The following GRXCR1 variants were observed in gnomAD, a reference collection of about 807,000 sequenced individuals.
The protein encoded by GRXCR1 is glutaredoxin and cysteine rich domain containing 1, also known as glutaredoxin domain-containing cysteine-rich protein 1.
Under a neutral mutation model 27.3 loss-of-function variants are expected in GRXCR1, and 27 were observed. The observed-to-expected ratio is 0.99, with a 90% CI of 0.73 to 1.37. The LOEUF (loss-of-function observed/expected upper bound fraction) is 1.37, where lower values mean the gene tolerates loss of function less well. GRXCR1 is among the 40% of genes most tolerant of loss of function. GRXCR1 has a pLI of 0.00. For synonymous variants in GRXCR1, 122 were observed against 131.1 expected, an observed-to-expected ratio of 0.93 and a Z score of 0.47; for missense variants, 379 against 354.4, an observed-to-expected ratio of 1.07 and a Z score of -0.56.
intron 1 of GRXCR1, among the ~76,000 whole-genome samples, chr4:42,910,034 G>T (rs978911081): frequency 1.3e-5 from 2 of 152,112 alleles, no homozygotes; most frequent in Non-Finnish European, 2.9e-5. Context: ...CCACATGGCT[G>T]GGGAGGCCTC....
At chr4:42,990,352 C>A (rs983419853) in intron 2 of GRXCR1, among the ~76,000 whole-genome samples, 1 of 150,434 alleles carries the variant, frequency 6.6e-6, no homozygotes, top group Non-Finnish European at 1.5e-5. Flanking sequence ...CCACTACGCC[C>A]GGCTAATTTT....
chr4:43,027,727 A>G (rs1035845156), intron 3 of GRXCR1, among the ~76,000 whole-genome samples: 3 of 152,246 alleles, frequency 2.0e-5, no homozygotes, highest in African/African-American at 7.2e-5. Context: ...GTCTTGGGTC[A>G]TAGCAGGAGT....
intron 2 of GRXCR1, among the ~76,000 whole-genome samples, chr4:43,002,227 G>C (rs1186623557): frequency 6.6e-6 from 1 of 152,292 alleles, no homozygotes; most frequent in Non-Finnish European, 1.5e-5. Flanking sequence ...TGTCGGGCTG[G>C]GGGACAGTCA....
At chr4:42,952,399 G>C (rs117531984) in intron 1 of GRXCR1, among the ~76,000 whole-genome samples, 1 of 152,012 alleles carries the variant, frequency 6.6e-6, no homozygotes. Context: ...CACTGACCTC[G>C]TGAAGGGGCC....
chr4:42,944,905 G>C (rs1262565720), intron 1 of GRXCR1, among the ~76,000 whole-genome samples: 1 of 152,094 alleles, frequency 6.6e-6, no homozygotes, highest in Non-Finnish European at 1.5e-5. Flanking sequence ...CTGGAATCTT[G>C]GTTGTATCAG....
At chr4:43,010,718 C>A (rs1348445823) in intron 2 of GRXCR1, among the ~76,000 whole-genome samples, 2 of 151,806 alleles carry the variant, frequency 1.3e-5, no homozygotes, top group African/African-American at 4.8e-5. Flanking sequence ...AAAAAGTGAT[C>A]GCTTATTTAA....
chr4:42,993,980 A>T (rs1712060067), intron 2 of GRXCR1, among the ~76,000 whole-genome samples: 1 of 152,158 alleles, frequency 6.6e-6, no homozygotes, highest in Admixed American at 6.6e-5. Flanking sequence ...TTATTTGATA[A>T]TGCCAGCACA....
At chr4:42,927,782 G>A (rs1381295873) in intron 1 of GRXCR1, among the ~76,000 whole-genome samples, 1 of 152,002 alleles carries the variant, frequency 6.6e-6, no homozygotes, top group African/African-American at 2.4e-5. Flanking sequence ...TGGGAAGTAG[G>A]AAAGTGGGGA....
intron 2 of GRXCR1, among the ~76,000 whole-genome samples, chr4:42,969,124 T>A (rs1748320558): frequency 6.6e-6 from 1 of 152,146 alleles, no homozygotes; most frequent in Admixed American, 6.6e-5. Flanking sequence ...TGTATGGGAG[T>A]GTTATTATAA....
At chr4:42,960,744 T>G (rs867691593) in intron 1 of GRXCR1, among the ~76,000 whole-genome samples, 26 of 151,956 alleles carry the variant, frequency 1.7e-4, no homozygotes, top group African/African-American at 5.8e-4. Flanking sequence ...ATGAGAACAC[T>G]GAGACAATAG....
At chr4:43,011,315 G>T (rs73177798) in intron 2 of GRXCR1, among the ~76,000 whole-genome samples, 1 of 152,170 alleles carries the variant, frequency 6.6e-6, no homozygotes, top group Non-Finnish European at 1.5e-5. Context: ...AAGGGCCTTT[G>T]CCCTTTGACT....
At chr4:42,977,811 G>A (rs1441135295) in intron 2 of GRXCR1, among the ~76,000 whole-genome samples, 1 of 151,974 alleles carries the variant, frequency 6.6e-6, no homozygotes, top group Non-Finnish European at 1.5e-5. Context: ...TTAATTCAAT[G>A]TAACACCAGT....
intron 1 of GRXCR1, among the ~76,000 whole-genome samples, chr4:42,961,275 C>T (rs530803886): frequency 5.3e-5 from 8 of 151,968 alleles, no homozygotes; most frequent in African/African-American, 1.2e-4. Context: ...GTTGATTTCA[C>T]GTCTTTGCTA....
At chr4:42,899,410 C>A (rs1413830184) in intron 1 of GRXCR1, among the ~76,000 whole-genome samples, 1 of 152,152 alleles carries the variant, frequency 6.6e-6, no homozygotes, top group Non-Finnish European at 1.5e-5. Context: ...AAAGCAATTC[C>A]TGGAGGAACT....
intron 2 of GRXCR1, among the ~76,000 whole-genome samples, chr4:42,975,374 T>C (rs903742800): frequency 6.6e-6 from 1 of 152,118 alleles, no homozygotes; most frequent in African/African-American, 2.4e-5. Context: ...TTGGTGTCAA[T>C]GTCTAAGATT....
intron 1 of GRXCR1, among the ~76,000 whole-genome samples, chr4:42,921,895 C>A (rs1747020222): frequency 6.6e-6 from 1 of 152,088 alleles, no homozygotes; most frequent in Admixed American, 6.6e-5. Flanking sequence ...TCATCCTCCT[C>A]CCCTTCCTGT....
intron 1 of GRXCR1, among the ~76,000 whole-genome samples, chr4:42,932,717 C>G (rs1747359504): frequency 6.8e-6 from 1 of 146,856 alleles, no homozygotes; most frequent in Non-Finnish European, 1.5e-5. Flanking sequence ...AATATGAAGC[C>G]TCTCTGTCCC....
chr4:42,991,236 C>T (rs10005115), intron 2 of GRXCR1, among the ~76,000 whole-genome samples: 72,251 of 151,532 alleles, frequency 0.48, 18,531 homozygotes, highest in African/African-American at 0.68. Flanking sequence ...AATTTTGGTT[C>T]GTCTCTTTTG....
chr4:42,894,722 G>C (rs1746310842), intron 1 of GRXCR1, among the ~76,000 whole-genome samples: 1 of 152,058 alleles, frequency 6.6e-6, no homozygotes, highest in African/African-American at 2.4e-5. Context: ...GCAATTACCG[G>C]TAAAGAATTT....
Sources: allele counts gnomAD v4.1 joint callset (sites outside exome capture counted in the v4.1 genomes callset), GRCh38; gene constraint gnomAD v4.1.1; transcripts MANE v1.5; gene names NCBI Gene and HGNC (gene_info 2026-07-23, HGNC 2026-07-21).